KAZN: variants seen among roughly 807,000 people sequenced by gnomAD.
The protein encoded by KAZN is kazrin, periplakin interacting protein.
KAZN carries 40 observed loss-of-function variants against 87.4 expected under a neutral mutation model. The ratio of observed to expected loss-of-function variants is 0.46; its 90% CI spans 0.36 to 0.60. The LOEUF is 0.60. KAZN is among the 20% of genes least tolerant of loss of function. The probability of loss-of-function intolerance (pLI) is 0.00; values close to 1 mark genes in which losing one functional copy is unlikely to be tolerated. For missense variants in KAZN, 898 were observed against 1,073.9 expected (o/e 0.84, Z 2.29); for synonymous variants, 466 against 458.3 (o/e 1.02, Z -0.22).
intron 2 of KAZN, among the ~76,000 whole-genome samples, chr1:14,329,922 G>A (rs1004988448): frequency 1.3e-5 from 2 of 152,212 alleles, no homozygotes; most frequent in South Asian, 4.1e-4. Flanking sequence ...TAGGATGGAA[G>A]AGTCTAATTT....
chr1:14,114,207 G>A (rs1329717963), intron 1 of KAZN, among the ~76,000 whole-genome samples: 1 of 152,174 alleles, frequency 6.6e-6, no homozygotes, highest in African/African-American at 2.4e-5. Context: ...GCAGCAGACG[G>A]CCCCATTATT....
intron 1 of KAZN, among the ~76,000 whole-genome samples, chr1:14,883,038 G>A (rs547087334): frequency 1.1e-4 from 16 of 152,050 alleles, no homozygotes; most frequent in Non-Finnish European, 2.4e-4. Flanking sequence ...GCTCATACCT[G>A]TAATCCCAGC....
At chr1:15,033,212 T>C (rs1390362824) in intron 2 of KAZN, among the ~76,000 whole-genome samples, 1 of 152,204 alleles carries the variant, frequency 6.6e-6, no homozygotes, top group African/African-American at 2.4e-5. Flanking sequence ...CACAGGGAGT[T>C]CGGGAACCAA....
chr1:14,639,481 A>C (rs1196551677), intron 1 of KAZN, among the ~76,000 whole-genome samples: 1 of 152,210 alleles, frequency 6.6e-6, no homozygotes, highest in Admixed American at 6.5e-5. Flanking sequence ...CCCATAGGGC[A>C]CAGTGGGGAC....
chr1:14,826,055 C>G (rs954947702), intron 1 of KAZN, among the ~76,000 whole-genome samples: 1 of 152,168 alleles, frequency 6.6e-6, no homozygotes, highest in Non-Finnish European at 1.5e-5. Context: ...AGGGGCTGGA[C>G]CTGGACTCAG....
intron 1 of KAZN, among the ~76,000 whole-genome samples, chr1:14,675,975 C>T (rs560607099): frequency 7.9e-4 from 120 of 152,214 alleles, no homozygotes; most frequent in South Asian, 4.1e-3. Flanking sequence ...AGTCTAAGCA[C>T]AGGACATCTG....
intron 2 of KAZN, among the ~76,000 whole-genome samples, chr1:14,192,564 GA>G (rs1230873897): frequency 1.3e-5 from 2 of 152,118 alleles, no homozygotes; most frequent in African/African-American, 4.8e-5. Context: ...TCCTGGTCTG[GA>G]AAAAAACTTG....
intron 1 of KAZN, among the ~76,000 whole-genome samples, chr1:14,085,081 A>G (rs1241878604): frequency 2.6e-5 from 4 of 152,156 alleles, no homozygotes; most frequent in Non-Finnish European, 5.9e-5. Flanking sequence ...AAAGATTCCC[A>G]ATACTTTCAG....
chr1:14,867,646 CA>C (rs1366613423), intron 1 of KAZN, among the ~76,000 whole-genome samples: 4 of 151,910 alleles, frequency 2.6e-5, no homozygotes, highest in Non-Finnish European at 5.9e-5. Context: ...TTATTAATGA[CA>C]ACAGCAGTCA....
At chr1:13,933,634 C>T (rs1640615326) in intron 1 of KAZN, among the ~76,000 whole-genome samples, 1 of 152,200 alleles carries the variant, frequency 6.6e-6, no homozygotes, top group South Asian at 2.1e-4. Flanking sequence ...ACAGAACAAA[C>T]CCAAATCCAG....
intron 2 of KAZN, among the ~76,000 whole-genome samples, chr1:14,382,992 CT>C (rs1219527802): frequency 6.6e-6 from 1 of 150,594 alleles, no homozygotes; most frequent in Non-Finnish European, 1.5e-5. Context: ...TGTTTCCTGA[CT>C]TTTTAATGAT....
At position 14,503,428 on chromosome 1, in the gene KAZN, G is replaced by A. The variant is rs560682333; in HGVS notation, c.250-95555G>A. Among the ~76,000 whole-genome samples the A allele has an allele frequency of 8.6e-5, 13 of 151,150 alleles. No homozygotes were observed. In the East Asian group the frequency reaches 2.4e-3, roughly 27 times the overall value. On this transcript the variant is annotated intron_variant, in intron 2 of 16. Coordinates refer to the KAZN transcript ENST00000636203. ...GAACCTGGGAGGCAGAGCTTGCAGTGAGCCGACATCACGCCACTGCTCTCC... is the reference window on the plus strand; with the variant it reads ...GAACCTGGGAGGCAGAGCTTGCAGTAAGCCGACATCACGCCACTGCTCTCC...
intron 1 of KAZN, among the ~76,000 whole-genome samples, chr1:14,034,890 G>A (rs893448110): frequency 6.6e-6 from 1 of 152,196 alleles, no homozygotes; most frequent in African/African-American, 2.4e-5. Flanking sequence ...TGAAGGCAGA[G>A]GTGGCTTCCG....
intron 1 of KAZN, among the ~76,000 whole-genome samples, chr1:14,905,331 G>A (rs1381636346): frequency 6.6e-6 from 1 of 152,164 alleles, no homozygotes; most frequent in Non-Finnish European, 1.5e-5. Context: ...CAAAGTGCTG[G>A]AATAACAGGC....
intron 6 of KAZN, chr1:15,061,400 A>T (rs1262812015): frequency 1.3e-5 from 2 of 152,246 alleles, no homozygotes; most frequent in African/African-American, 4.8e-5. Context: ...CAGTCTGCTC[A>T]GGTGGGCGGC....
intron 2 of KAZN, among the ~76,000 whole-genome samples, chr1:14,478,740 G>A (rs748039888): frequency 1.3e-5 from 2 of 152,048 alleles, no homozygotes; most frequent in Admixed American, 6.6e-5. Context: ...ACACAGACCC[G>A]TGCCCCATCC....
chr1:14,908,391 A>G (rs1406915874), intron 1 of KAZN, among the ~76,000 whole-genome samples: 1 of 151,936 alleles, frequency 6.6e-6, no homozygotes, highest in Non-Finnish European at 1.5e-5. Context: ...AAATACAAAC[A>G]TTAACCAGGC....
intron 1 of KAZN, among the ~76,000 whole-genome samples, chr1:14,697,435 G>A (rs16850730): frequency 0.042 from 6,341 of 152,270 alleles, 434 homozygotes; most frequent in African/African-American, 0.14. Flanking sequence ...CCTCCTGTCC[G>A]TAAGCATGCA....
chr1:13,997,864 A>G (rs575111550), intron 1 of KAZN, among the ~76,000 whole-genome samples: 8 of 152,314 alleles, frequency 5.3e-5, no homozygotes, highest in African/African-American at 1.7e-4. Context: ...CAGAAAATAC[A>G]GAGAACACCA....
Sources: allele counts gnomAD v4.1 joint callset (sites outside exome capture counted in the v4.1 genomes callset), GRCh38; gene constraint gnomAD v4.1.1; transcripts MANE v1.5; gene names NCBI Gene and HGNC (gene_info 2026-07-23, HGNC 2026-07-21).